The following PWWP2A variants were observed in gnomAD, a reference collection of about 807,000 sequenced individuals.
The protein encoded by PWWP2A is PWWP domain-containing protein 2A.
A neutral mutation model predicts 48.5 loss-of-function variants in PWWP2A; 18 were observed. The observed-to-expected ratio is 0.37, with a 90% CI of 0.26 to 0.55. PWWP2A has a LOEUF of 0.55. Ranked by LOEUF, PWWP2A falls within the 20% of genes least tolerant of loss-of-function variation. The probability of loss-of-function intolerance (pLI) is 0.81; values close to 1 mark genes in which losing one functional copy is unlikely to be tolerated. For synonymous variants in PWWP2A, 396 were observed against 387.7 expected, an observed-to-expected ratio of 1.02 and a Z score of -0.25; for missense variants, 867 against 976.4, an observed-to-expected ratio of 0.89 and a Z score of 1.49.
chr5:160,115,845 A>T (rs1758076864), intron 1 of PWWP2A, among the ~76,000 whole-genome samples: 1 of 152,086 alleles, frequency 6.6e-6, no homozygotes, highest in African/African-American at 2.4e-5. Flanking sequence ...CCTCCTAAAA[A>T]CAAAAACAAA....
chr5:160,067,714 A>G (rs1753647983), intron 2 of PWWP2A, among the ~76,000 whole-genome samples: 2 of 152,224 alleles, frequency 1.3e-5, no homozygotes, highest in Non-Finnish European at 2.9e-5. Flanking sequence ...GCTTAAGCCA[A>G]GGAGTTTTTA....
intron 1 of PWWP2A, among the ~76,000 whole-genome samples, chr5:160,097,439 G>C (rs192208505): frequency 1.3e-5 from 2 of 149,858 alleles, no homozygotes; most frequent in Admixed American, 6.7e-5. Flanking sequence ...AGACCAGCCT[G>C]GCCAACATGG....
downstream of PWWP2A, among the ~76,000 whole-genome samples, chr5:160,074,536 C>T (rs536232945): frequency 5.3e-5 from 8 of 152,108 alleles, no homozygotes; most frequent in East Asian, 3.9e-4. Flanking sequence ...CACCTGAGAT[C>T]GGGAGTTTGA....
chr5:160,060,943 T>C (rs921248987), downstream of PWWP2A, among the ~76,000 whole-genome samples: 1 of 152,236 alleles, frequency 6.6e-6, no homozygotes, highest in Non-Finnish European at 1.5e-5. Flanking sequence ...TTTCCCACAA[T>C]GTGGGACTAA....
chr5:160,075,513 C>G (rs1472779676), downstream of PWWP2A, among the ~76,000 whole-genome samples: 1 of 152,040 alleles, frequency 6.6e-6, no homozygotes, highest in Non-Finnish European at 1.5e-5. Flanking sequence ...AAAGAAGCAA[C>G]CATTTATCCA....
intron 1 of PWWP2A, among the ~76,000 whole-genome samples, chr5:160,105,441 G>A (rs1756785310): frequency 6.6e-6 from 1 of 151,534 alleles, no homozygotes; most frequent in South Asian, 2.1e-4. Flanking sequence ...GGGAGGCTGA[G>A]GCAGGAGAAT....
At chr5:160,073,427 C>T (rs1753792549), downstream of PWWP2A, among the ~76,000 whole-genome samples, 1 of 151,876 alleles carries the variant, frequency 6.6e-6, no homozygotes, top group South Asian at 2.1e-4. Flanking sequence ...CAGAGTTTCA[C>T]CGTGTTAGCC....
At position 160,092,378 on chromosome 5, in the gene PWWP2A, A is replaced by G; in HGVS notation, c.*4T>C. 2 of 1,532,970 alleles carry G rather than the reference A, an allele frequency of 1.3e-6. No individual in the cohort carries two copies. Among genetic ancestry groups the G allele is most frequent in the South Asian group, 1.2e-5 (1 of 82,208 alleles). 95.0% of individuals were successfully genotyped at this position (1,532,970 alleles called of 1,614,324 possible). The stretch of plus-strand genomic sequence containing the variant: ...AATGGTCTTGCCTACCTTACTGCCC[A>G]TGTTCACGTTTCAAACTGTGTCAAC... On this transcript the variant is annotated 3_prime_UTR_variant, in exon 2 of 2. Transcript: ENST00000307063.
downstream of PWWP2A, among the ~76,000 whole-genome samples, chr5:160,088,653 C>T (rs1012448585): frequency 6.6e-6 from 1 of 152,182 alleles, no homozygotes; most frequent in Non-Finnish European, 1.5e-5. Context: ...TCTTCATTCT[C>T]TCTGGAAAAT....
chr5:160,075,073 TTG>T (rs748634760), downstream of PWWP2A, among the ~76,000 whole-genome samples: 2 of 152,150 alleles, frequency 1.3e-5, no homozygotes, highest in Non-Finnish European at 2.9e-5. Flanking sequence ...CTTGTAGGAG[TTG>T]TGTCTATAAA....
chr5:160,102,394 T>C lies in PWWP2A; in HGVS notation c.585-8329A>G, dbSNP rs1453427401. On this transcript the variant is annotated intron_variant, in intron 1 of 1. Coordinates refer to ENST00000307063, the MANE Select transcript of PWWP2A (RefSeq NM_001130864.2). ...GCCTGGGCAACCAGGCGAGACTCCA[T>C]CTCAAAAAAAAAAAAAAAAAAAAAA... 6.9e-4 allele frequency among the ~76,000 whole-genome samples: 52 copies of C among 75,420 alleles called. 2 individuals are homozygous for C. In the East Asian group the frequency reaches 0.021, roughly 31 times the overall value. The allele number at this position is 75,420 out of a possible 152,430, so 49.5% of individuals were successfully genotyped here.
At chr5:160,079,765 A>G (rs1459133423) in intron 3 of PWWP2A, among the ~76,000 whole-genome samples, 2 of 152,200 alleles carry the variant, frequency 1.3e-5, no homozygotes, top group Non-Finnish European at 2.9e-5. Context: ...AGAAAAATAA[A>G]AAACACTATT....
At chr5:160,065,205 T>A (rs1753569276) in intron 4 of PWWP2A, 1 of 1,159,334 alleles carries the variant, frequency 8.6e-7, no homozygotes, top group Non-Finnish European at 1.2e-6. Flanking sequence ...CAGTGCTCCC[T>A]TGTCCCTCTT....
In PWWP2A at chr5:160,106,820, C is replaced by CTTT. The variant is rs764479391; in HGVS notation, c.584+11982_584+11984dup. On this transcript the variant is annotated intron_variant, in intron 1 of 1. Coordinates refer to ENST00000307063, the MANE Select transcript of PWWP2A (RefSeq NM_001130864.2). ...GTCTCATTGTTAACTAACCATTAAC[C>CTTT]TTTTTTTTTTTTTTTTTTTTTTGAG... is the stretch of plus-strand genomic sequence containing the variant. 2.3e-3 allele frequency among the ~76,000 whole-genome samples: 278 copies of CTTT among 119,736 alleles called. 1 individual carries two copies. Among genetic ancestry groups the CTTT allele is most frequent in the Non-Finnish European group, 3.0e-3 (174 of 57,166 alleles). 78.6% of individuals were successfully genotyped at this position (119,736 alleles called of 152,430 possible).
downstream of PWWP2A, chr5:160,090,447 A>G (rs921488438): frequency 3.0e-5 from 29 of 981,852 alleles, no homozygotes; most frequent in Non-Finnish European, 3.5e-5. Flanking sequence ...ATAGTTCCTT[A>G]TAACTTCTCA....
chr5:160,046,606 G>A, the PWWP2A span, among the ~76,000 whole-genome samples: 3 of 151,268 alleles, frequency 2.0e-5, no homozygotes, highest in Admixed American at 2.0e-4. Flanking sequence ...TTCAAAACAT[G>A]TTATGTTATA....
chr5:160,062,306 A>G (rs923784626), intron 5 of PWWP2A, among the ~76,000 whole-genome samples: 1 of 152,224 alleles, frequency 6.6e-6, no homozygotes, highest in Admixed American at 6.5e-5. Context: ...CCTTTAGTGC[A>G]GACCAGCCTA....
At position 160,092,824 on chromosome 5, in the gene PWWP2A, C is replaced by T; in HGVS notation, c.1826G>A (p.Gly609Asp). The change falls in exon 2 of 2, where the codon GGC becomes GAC. Residue 609 changes from glycine to aspartate, a missense_variant. Physicochemically the swap from Gly to Asp is moderately conservative, Grantham distance 94. This residue lies in a region of PWWP2A where 382 missense variants were observed against 407.2 expected (regional missense o/e 0.94). Transcript: ENST00000307063. Reference protein sequence around the residue: ...SSSESFDFPPGSMHAPSTSST... With the variant: ...SSSESFDFPPDSMHAPSTSST... ...GGAGGTGGAAGGTGCATGCATACTG[C>T]CTGGAGGAAAATCAAAGCTTTCAGA... The T allele has an allele frequency of 6.4e-7, 1 of 1,551,616 alleles. No individual in the cohort carries two copies. The highest frequency in any genetic ancestry group is 8.7e-7 in the Non-Finnish European group (1 of 1,146,972).
At chr5:160,118,435 C>T (rs974332820) in intron 1 of PWWP2A, among the ~76,000 whole-genome samples, 1 of 151,666 alleles carries the variant, frequency 6.6e-6, no homozygotes, top group Non-Finnish European at 1.5e-5. Flanking sequence ...CCCGTCCCCC[C>T]GTCCAACACT....
Sources: allele counts gnomAD v4.1 joint callset (sites outside exome capture counted in the v4.1 genomes callset), GRCh38; gene constraint gnomAD v4.1.1; regional missense constraint gnomAD v4.1.1; transcripts MANE v1.5; gene names NCBI Gene and HGNC (gene_info 2026-07-23, HGNC 2026-07-21).